PAK3: variants seen among roughly 807,000 people sequenced by gnomAD.
PAK3 encodes serine/threonine-protein kinase PAK 3.
In PAK3, 4 loss-of-function variants were observed where a neutral mutation model predicts 41.0. The ratio of observed to expected loss-of-function variants is 0.10; its 90% CI spans 0.05 to 0.22. The LOEUF is 0.22. Among genes scored for constraint, PAK3 ranks in the 10% least tolerant of loss-of-function variants. The pLI, the probability that PAK3 is intolerant of heterozygous loss-of-function variation, is 1.00. For missense variants in PAK3, 205 were observed against 409.9 expected (o/e 0.50, Z 4.32); for synonymous variants, 146 against 139.6 (o/e 1.05, Z -0.32).
At chrX:111,075,519 G>A (rs2092777336) in intron 1 of PAK3, among the ~76,000 whole-genome samples, 1 of 112,861 alleles carries the variant, frequency 8.9e-6, no homozygotes, top group Non-Finnish European at 1.9e-5. Flanking sequence ...AAGAGTGAAG[G>A]AGGCTTGGTG....
At chrX:111,131,680 G>A (rs1367443547) in intron 5 of PAK3, among the ~76,000 whole-genome samples, 2 of 111,977 alleles carry the variant, frequency 1.8e-5, no homozygotes, top group Non-Finnish European at 3.8e-5. Flanking sequence ...AAATCCAGGA[G>A]TTAAGAAATT....
At chrX:111,204,912 C>T (rs1219512918) in intron 16 of PAK3, among the ~76,000 whole-genome samples, 2 of 63,199 alleles carry the variant, frequency 3.2e-5, no homozygotes, top group African/African-American at 1.3e-4. Flanking sequence ...GAATTACCCT[C>T]ACGCTCAGAT....
intron 7 of PAK3, among the ~76,000 whole-genome samples, chrX:111,151,810 T>G (rs1025997706): frequency 1.8e-5 from 2 of 111,605 alleles, no homozygotes; most frequent in Non-Finnish European, 3.8e-5. Context: ...AAATAAGGGG[T>G]ACATGACTAC....
In PAK3 at chrX:111,225,002, G is replaced by A. The variant is rs1415892814; in HGVS notation, c.*4555G>A. ...AAGTATCTCCCAGTCTCTGAGCTCT[G>A]AACAAGAGGACTGAAATTCAGCATT... On this transcript the variant is annotated 3_prime_UTR_variant, in exon 18 of 18. Transcript: ENST00000372007. 8.9e-6 allele frequency: 1 copy of A among 112,066 alleles called. No individual in the cohort carries two copies. The highest frequency in any genetic ancestry group is 3.2e-5 in the African/African-American group (1 of 30,843). The allele number at this position is 112,066 out of a possible 1,213,427, so 9.2% of individuals were successfully genotyped here.
At chrX:111,073,735 C>T (rs1198134025) in intron 1 of PAK3, among the ~76,000 whole-genome samples, 5 of 111,834 alleles carry the variant, frequency 4.5e-5, no homozygotes, top group Admixed American at 9.5e-5. Context: ...ATCAAGGAAA[C>T]GCTCATGGTC....
chrX:111,080,897 G>T (rs2092829165), intron 1 of PAK3, among the ~76,000 whole-genome samples: 1 of 111,949 alleles, frequency 8.9e-6, no homozygotes, highest in Admixed American at 9.5e-5. Context: ...ATACTATTCA[G>T]CCTTAAAAAG....
chrX:111,110,536 G>A, intron 4 of PAK3, among the ~76,000 whole-genome samples: 1 of 111,657 alleles, frequency 9.0e-6, no homozygotes, highest in East Asian at 2.8e-4. Flanking sequence ...CTTGTGCAAT[G>A]CCCAGAATGT....
intron 1 of PAK3, among the ~76,000 whole-genome samples, chrX:111,040,033 A>C (rs1362259633): frequency 9.1e-6 from 1 of 109,858 alleles, no homozygotes; most frequent in Non-Finnish European, 1.9e-5. Flanking sequence ...AAAAGAAAGA[A>C]AGAAAAAAAA....
At chrX:111,117,551 A>G (rs1037844291) in intron 4 of PAK3, among the ~76,000 whole-genome samples, 5 of 112,051 alleles carry the variant, frequency 4.5e-5, no homozygotes, top group African/African-American at 1.6e-4. Flanking sequence ...ATCAGATGGT[A>G]GCTGGCTTTG....
At chrX:111,090,801 C>G (rs2092924034) in intron 1 of PAK3, among the ~76,000 whole-genome samples, 1 of 112,517 alleles carries the variant, frequency 8.9e-6, no homozygotes, top group African/African-American at 3.2e-5. Flanking sequence ...TTGGTTTTCT[C>G]TTTACTTCCT....
intron 1 of PAK3, among the ~76,000 whole-genome samples, chrX:111,047,714 A>G (rs1305557396): frequency 9.0e-6 from 1 of 111,409 alleles, no homozygotes; most frequent in Non-Finnish European, 1.9e-5. Context: ...AGTTGGGCTT[A>G]TTTAGGAGGC....
chrX:111,091,050 C>T (rs2092925927), intron 1 of PAK3, among the ~76,000 whole-genome samples: 1 of 111,752 alleles, frequency 8.9e-6, no homozygotes, highest in African/African-American at 3.3e-5. Flanking sequence ...ATATGTAGGA[C>T]CATGGTGGAA....
At chrX:110,976,644 A>G (rs2091336554) in intron 1 of PAK3, among the ~76,000 whole-genome samples, 1 of 112,028 alleles carries the variant, frequency 8.9e-6, no homozygotes, top group African/African-American at 3.3e-5. Flanking sequence ...ATGCTACTAT[A>G]AAGACACATG....
chrX:111,013,124 T>A (rs1425047888), intron 1 of PAK3, among the ~76,000 whole-genome samples: 3 of 112,409 alleles, frequency 2.7e-5, no homozygotes, highest in Non-Finnish European at 5.6e-5. Context: ...CACATGCCAC[T>A]TTCCAGGCAT....
At chrX:111,037,083 T>G (rs992783183) in intron 1 of PAK3, among the ~76,000 whole-genome samples, 2 of 111,134 alleles carry the variant, frequency 1.8e-5, no homozygotes, top group Admixed American at 9.6e-5. Context: ...CAGTCGGGAT[T>G]ACAGGCTTGC....
chrX:110,956,416 C>A (rs969275204), intron 1 of PAK3, among the ~76,000 whole-genome samples: 15 of 111,413 alleles, frequency 1.3e-4, no homozygotes, highest in African/African-American at 4.9e-4. Flanking sequence ...TATATCTGGA[C>A]CACCTATGGG....
At chrX:111,033,153 A>G (rs1394912261) in intron 1 of PAK3, among the ~76,000 whole-genome samples, 1 of 111,040 alleles carries the variant, frequency 9.0e-6, no homozygotes, top group Non-Finnish European at 1.9e-5. Context: ...ACACACACAC[A>G]CACATTCTTT....
At chrX:111,021,498 A>C (rs1461845384) in intron 1 of PAK3, among the ~76,000 whole-genome samples, 1 of 111,807 alleles carries the variant, frequency 8.9e-6, no homozygotes, top group Non-Finnish European at 1.9e-5. Context: ...GGAAAATAAC[A>C]CATTAAGGGA....
At chrX:111,110,215 A>T (rs750790784) in intron 4 of PAK3, among the ~76,000 whole-genome samples, 4 of 112,552 alleles carry the variant, frequency 3.6e-5, no homozygotes, top group African/African-American at 1.3e-4. Context: ...ACTTCAAAGC[A>T]GTTCCCAAAT....
Sources: gnomAD v4.1 joint callset for allele counts (sites outside exome capture counted in the v4.1 genomes callset) on GRCh38, gnomAD v4.1.1 for gene constraint, MANE v1.5 for transcripts, NCBI Gene and HGNC (gene_info 2026-07-23, HGNC 2026-07-21) for gene names.